The following CACNA2D3 variants were observed in gnomAD, a reference collection of about 807,000 sequenced individuals.
CACNA2D3 encodes voltage-dependent calcium channel subunit alpha-2/delta-3.
Under a neutral mutation model 160.6 loss-of-function variants are expected in CACNA2D3, and 60 were observed. The observed-to-expected ratio is 0.37, with a 90% confidence interval of 0.30 to 0.46. CACNA2D3 has a LOEUF of 0.46. Ranked by LOEUF, CACNA2D3 falls within the 20% of genes least tolerant of loss-of-function variation. CACNA2D3 has a pLI of 1.00. For missense variants in CACNA2D3, 1,205 were observed against 1,365.0 expected (o/e 0.88, Z 1.85); for synonymous variants, 558 against 492.9 (o/e 1.13, Z -1.75).
chr3:54,382,413 T>C (rs1699118191), intron 3 of CACNA2D3, among the ~76,000 whole-genome samples: 2 of 152,332 alleles, frequency 1.3e-5, no homozygotes, highest in Admixed American at 6.5e-5. Context: ...TACTTTCTAT[T>C]GGCAAGCATC....
chr3:54,983,526 G>T (rs1001944102), intron 29 of CACNA2D3, among the ~76,000 whole-genome samples: 1 of 152,196 alleles, frequency 6.6e-6, no homozygotes, highest in Non-Finnish European at 1.5e-5. Context: ...TGATCCCTTT[G>T]TATAACCAGG....
chr3:54,805,227 C>T (rs1204596149), intron 13 of CACNA2D3, among the ~76,000 whole-genome samples: 2 of 152,032 alleles, frequency 1.3e-5, no homozygotes, highest in African/African-American at 2.4e-5. Context: ...GAAATAGAGA[C>T]ACAAAAAACC....
At chr3:54,962,658 G>C (rs908155201) in intron 27 of CACNA2D3, among the ~76,000 whole-genome samples, 3 of 152,128 alleles carry the variant, frequency 2.0e-5, no homozygotes, top group African/African-American at 4.8e-5. Context: ...TCTTAAAACG[G>C]GTTTGCAATC....
intron 4 of CACNA2D3, among the ~76,000 whole-genome samples, chr3:54,480,048 C>T (rs1191002627): frequency 6.6e-6 from 1 of 152,106 alleles, no homozygotes; most frequent in African/African-American, 2.4e-5. Flanking sequence ...CCTGCACATG[C>T]TCACACAAGT....
At chr3:55,067,019 C>T (rs965292639) in intron 35 of CACNA2D3, among the ~76,000 whole-genome samples, 6 of 151,548 alleles carry the variant, frequency 4.0e-5, no homozygotes, top group South Asian at 2.1e-4. Flanking sequence ...CAGGCCCCTC[C>T]GAAGCACCAT....
At chr3:54,734,539 A>G (rs1051380658) in intron 11 of CACNA2D3, among the ~76,000 whole-genome samples, 1 of 152,248 alleles carries the variant, frequency 6.6e-6, no homozygotes, top group South Asian at 2.1e-4. Flanking sequence ...ACTCTAAGGC[A>G]TGCATCCCTC....
chr3:54,206,509 A>G (rs997947135), intron 2 of CACNA2D3, among the ~76,000 whole-genome samples: 2 of 152,158 alleles, frequency 1.3e-5, no homozygotes, highest in African/African-American at 4.8e-5. Flanking sequence ...CCTCACACGC[A>G]TTCTCCTGAG....
intron 29 of CACNA2D3, among the ~76,000 whole-genome samples, chr3:54,978,662 A>G (rs1166015719): frequency 2.6e-5 from 4 of 152,254 alleles, no homozygotes; most frequent in African/African-American, 9.6e-5. Context: ...GAACTGGGCA[A>G]CTATTGGAAC....
intron 27 of CACNA2D3, chr3:54,928,067 G>T: frequency 1.5e-6 from 1 of 681,618 alleles, no homozygotes; most frequent in Non-Finnish European, 2.6e-6. Flanking sequence ...AACAGTTGTT[G>T]CTTTCAAAAG....
intron 11 of CACNA2D3, among the ~76,000 whole-genome samples, chr3:54,647,646 C>T (rs1182135199): frequency 6.6e-6 from 1 of 152,096 alleles, no homozygotes; most frequent in Non-Finnish European, 1.5e-5. Flanking sequence ...GGGAACAGAC[C>T]AGGGGGGGCA....
chr3:54,672,639 A>G (rs761432651), intron 11 of CACNA2D3, among the ~76,000 whole-genome samples: 1 of 152,248 alleles, frequency 6.6e-6, no homozygotes, highest in Non-Finnish European at 1.5e-5. Context: ...TGGATTAGTC[A>G]GGACTGAGGA....
At chr3:54,138,452 G>A (rs1262352238) in intron 2 of CACNA2D3, among the ~76,000 whole-genome samples, 1 of 152,196 alleles carries the variant, frequency 6.6e-6, no homozygotes, top group Non-Finnish European at 1.5e-5. Context: ...AACCTGCAGT[G>A]TTTTTGCATC....
chr3:54,290,477 C>T (rs1171867559), intron 2 of CACNA2D3, among the ~76,000 whole-genome samples: 1 of 151,982 alleles, frequency 6.6e-6, no homozygotes, highest in Non-Finnish European at 1.5e-5. Context: ...TAAACTAGTT[C>T]AACCATTGTG....
intron 2 of CACNA2D3, among the ~76,000 whole-genome samples, chr3:54,171,145 T>C (rs1023653324): frequency 1.5e-5 from 2 of 136,056 alleles, no homozygotes; most frequent in Non-Finnish European, 1.6e-5. Flanking sequence ...ACTTTTTTTT[T>C]TTTTTTTTTT....
chr3:54,851,844 T>C (rs1699064169), intron 17 of CACNA2D3, among the ~76,000 whole-genome samples: 1 of 152,232 alleles, frequency 6.6e-6, no homozygotes, highest in Non-Finnish European at 1.5e-5. Flanking sequence ...TTACATTCTT[T>C]TCATGCTAAT....
chr3:54,716,850 A>G (rs1201989086), intron 11 of CACNA2D3, among the ~76,000 whole-genome samples: 2 of 151,646 alleles, frequency 1.3e-5, no homozygotes, highest in South Asian at 2.1e-4. Context: ...TTTTTAAAAG[A>G]CTTTATGTGG....
At chr3:54,966,679 TGTG>T (rs1702158879) in intron 27 of CACNA2D3, among the ~76,000 whole-genome samples, 2 of 151,976 alleles carry the variant, frequency 1.3e-5, no homozygotes, top group African/African-American at 4.8e-5. Context: ...ATTAGCCAGG[TGTG>T]GTGGTGCACA....
intron 35 of CACNA2D3, among the ~76,000 whole-genome samples, chr3:55,022,111 C>A (rs184877579): frequency 6.6e-5 from 10 of 152,130 alleles, no homozygotes; most frequent in African/African-American, 2.2e-4. Context: ...CCATTCAATT[C>A]ATTTTGCTTT....
chr3:54,248,778 T>A (rs1449332605), intron 2 of CACNA2D3, among the ~76,000 whole-genome samples: 2 of 152,182 alleles, frequency 1.3e-5, no homozygotes, highest in Admixed American at 1.3e-4. Context: ...CCTAACTGAT[T>A]AATACAAATT....
Sources: allele counts gnomAD v4.1 joint callset (sites outside exome capture counted in the v4.1 genomes callset), GRCh38; gene constraint gnomAD v4.1.1; transcripts MANE v1.5; gene names NCBI Gene and HGNC (gene_info 2026-07-23, HGNC 2026-07-21).